ILDR2: variants seen among roughly 807,000 people sequenced by gnomAD.
The protein encoded by ILDR2 is immunoglobulin-like domain-containing receptor 2.
ILDR2 carries 25 observed loss-of-function variants against 66.8 expected under a neutral mutation model. The observed-to-expected ratio is 0.37, with a 90% CI of 0.27 to 0.52. The LOEUF (loss-of-function observed/expected upper bound fraction) is 0.52. ILDR2 is among the 20% of genes least tolerant of loss of function. The pLI is 0.88. For synonymous variants in ILDR2, 367 were observed against 357.2 expected (o/e 1.03, Z -0.31); for missense variants, 827 against 876.8 (o/e 0.94, Z 0.72).
intron 3 of ILDR2, among the ~76,000 whole-genome samples, chr1:166,943,578 G>A (rs1395760297): frequency 2.6e-5 from 4 of 151,526 alleles, no homozygotes; most frequent in African/African-American, 9.7e-5. Context: ...TTTAAAAAGT[G>A]GATTTATGCT....
intron 4 of ILDR2, among the ~76,000 whole-genome samples, chr1:166,938,450 A>G (rs945881744): frequency 6.6e-6 from 1 of 152,208 alleles, no homozygotes; most frequent in Non-Finnish European, 1.5e-5. Context: ...AAGCACTGCA[A>G]TGTAACATTG....
intron 3 of ILDR2, among the ~76,000 whole-genome samples, chr1:166,948,218 G>A (rs1279475383): frequency 6.6e-6 from 1 of 152,102 alleles, no homozygotes; most frequent in Non-Finnish European, 1.5e-5. Flanking sequence ...TTCAATCTAT[G>A]GGAGACCCTT....
intron 6 of ILDR2, among the ~76,000 whole-genome samples, chr1:166,927,432 T>C (rs1001928268): frequency 4.6e-5 from 7 of 152,252 alleles, no homozygotes; most frequent in African/African-American, 1.7e-4. Context: ...TAGTCATTTG[T>C]TAACTTCTGC....
At chr1:166,940,489 C>T (rs1421815391) in intron 3 of ILDR2, among the ~76,000 whole-genome samples, 2 of 152,184 alleles carry the variant, frequency 1.3e-5, no homozygotes, top group African/African-American at 4.8e-5. Flanking sequence ...TCCCTCCTTT[C>T]AGACTTGTGA....
Position 166,914,151 on chromosome 1 carries a change from C to T in ILDR2, c.*5204G>A, listed in dbSNP as rs567227557. On this transcript the variant is annotated 3_prime_UTR_variant, in exon 10 of 10. Transcript: ENST00000271417. ...AAAAAGAAAGAAAAAGAAAACGAAA[C>T]TCTCCTTGAGTGAAGCTACAACTCC... 5.2e-5 allele frequency: 8 copies of T among 152,464 alleles called. No individual in the cohort carries two copies. In the East Asian group the frequency reaches 1.5e-3, roughly 29 times the overall value. 9.4% of individuals were successfully genotyped at this position (152,464 alleles called of 1,614,324 possible). A position where few individuals can be genotyped will look rare whatever the true frequency, so the allele number is the denominator to read the frequency against.
Position 166,912,926 on chromosome 1 carries a change from C to T in ILDR2, c.*6429G>A, listed in dbSNP as rs1484736609. 1 of 152,186 alleles carries T rather than the reference C, an allele frequency of 6.6e-6. No homozygotes were observed. Among genetic ancestry groups the T allele is most frequent in the Non-Finnish European group, 1.5e-5 (1 of 68,044 alleles). The allele number at this position is 152,186 out of a possible 1,614,324, so 9.4% of individuals were successfully genotyped here. A position where few individuals can be genotyped will look rare whatever the true frequency, so the allele number is the denominator to read the frequency against. The stretch of plus-strand genomic sequence containing the variant: ...TAGGTACCATCACCTTATCCAACCA[C>T]CTTTCCTACCCTTCATCTCCTTCTG... On this transcript the variant is annotated 3_prime_UTR_variant, in exon 10 of 10. Coordinates refer to ENST00000271417, the MANE Select transcript of ILDR2 (RefSeq NM_199351.3).
rs1203452550 is a variant in ILDR2 at position 166,920,903 on chromosome 1, G to T, written c.1688C>A (p.Ala563Asp). Residue 563 changes from alanine (A) to aspartate (D), a missense_variant, in exon 9 of 10, where the codon GCC becomes GAC. Ala to Asp is a moderately radical substitution (Grantham distance 126, BLOSUM62 -2). Coordinates refer to ENST00000271417, the MANE Select transcript of ILDR2 (RefSeq NM_199351.3). ...KRSAQLGPRS[A>D]SYYAWSPPGT... ...GGGCGGCGACCAAGCGTAGTAGGAG[G>T]CGCTGCGCGGGCCGAGCTGCGCGCT... 12 of 1,478,358 alleles carry T rather than the reference G, an allele frequency of 8.1e-6. No homozygotes were observed. The highest frequency in any genetic ancestry group is 8.9e-6 in the Non-Finnish European group (10 of 1,120,296). 91.6% of individuals were successfully genotyped at this position (1,478,358 alleles called of 1,614,324 possible).
In ILDR2 at chr1:166,936,558, T is replaced by A. The variant is rs1453247171; in HGVS notation, c.703+33A>T. ...GTAGAGAGGTAGACATTTCTCTCGA[T>A]CGCTCTGTCTCCCCAGCGGTCACTG... On this transcript the variant is annotated intron_variant, in intron 5 of 9. Coordinates refer to ENST00000271417, the MANE Select transcript of ILDR2 (RefSeq NM_199351.3). This position sits in a 1 kb window ranked among gnomAD's most constrained non-coding sequence, Gnocchi z 5.0. 1.9e-6 allele frequency: 3 copies of A among 1,613,844 alleles called. No homozygotes were observed. In the East Asian group the frequency reaches 6.7e-5, roughly 36 times the overall value.
intron 3 of ILDR2, among the ~76,000 whole-genome samples, chr1:166,944,645 G>T (rs1280374479): frequency 2.6e-5 from 4 of 151,968 alleles, no homozygotes; most frequent in African/African-American, 9.7e-5. Context: ...CTTTTTCTTG[G>T]TAGGTTAGCC....
chr1:166,922,932 G>A, intron 7 of ILDR2, 123 bp from the exon 8 acceptor site: 2 of 805,942 alleles, frequency 2.5e-6, no homozygotes, highest in Non-Finnish European at 4.1e-6. Flanking sequence ...GCTGTCCAGG[G>A]TGGGTTGTAA....
At chr1:166,971,393 C>G (rs1663287643) in intron 1 of ILDR2, among the ~76,000 whole-genome samples, 1 of 152,244 alleles carries the variant, frequency 6.6e-6, no homozygotes, top group South Asian at 2.1e-4. Flanking sequence ...CCTCTATGCT[C>G]TCACAGCAGG....
chr1:166,963,716 C>T (rs1662761017), intron 1 of ILDR2, among the ~76,000 whole-genome samples: 1 of 152,214 alleles, frequency 6.6e-6, no homozygotes, highest in Non-Finnish European at 1.5e-5. Context: ...ACATGGCCCC[C>T]AGTATGCTCC....
At chr1:166,931,973 G>C (rs1038081977) in intron 6 of ILDR2, among the ~76,000 whole-genome samples, 2 of 152,354 alleles carry the variant, frequency 1.3e-5, no homozygotes, top group African/African-American at 4.8e-5. Flanking sequence ...AGGAGCAAAA[G>C]AGAGGCTGGA....
At chr1:166,973,614 C>G (rs1167889455) in intron 1 of ILDR2, among the ~76,000 whole-genome samples, 1 of 31,384 alleles carries the variant, frequency 3.2e-5, no homozygotes, top group Non-Finnish European at 5.8e-5. Context: ...GGGACCCCTC[C>G]CCCCCCCCCC....
rs763774387 is a variant in ILDR2, at chr1:166,921,397, G to A, written c.1212-18C>T. 2.6e-6 allele frequency: 4 copies of A among 1,539,072 alleles called. No individual in the cohort carries two copies. Among genetic ancestry groups the A allele is most frequent in the East Asian group, 2.3e-5 (1 of 43,410 alleles). On this transcript the variant is annotated intron_variant, in intron 8 of 9. Transcript: ENST00000271417. This position sits in a 1 kb window ranked among gnomAD's most constrained non-coding sequence, Gnocchi z 5.3. ...GCGGCTGGCTGCGGGCAGAGAAGGA[G>A]GGGGTCAGACGGCCGGTCCCTCCCT...
At position 166,915,307 on chromosome 1, in the gene ILDR2, A is replaced by T. The variant is rs966196188; in HGVS notation, c.*4048T>A. On this transcript the variant is annotated 3_prime_UTR_variant, in exon 10 of 10. Coordinates refer to ENST00000271417, the MANE Select transcript of ILDR2 (RefSeq NM_199351.3). ...GGATTGAGAGGGACCTCACCAGGACATTTGAAGAAAAAATTCTAAGGCCCA... is the reference window on the plus strand; with the variant it reads ...GGATTGAGAGGGACCTCACCAGGACTTTTGAAGAAAAAATTCTAAGGCCCA... 1 of 152,256 alleles carries T rather than the reference A, an allele frequency of 6.6e-6. No individual in the cohort carries two copies. Among genetic ancestry groups the T allele is most frequent in the African/African-American group, 2.4e-5 (1 of 41,444 alleles). 9.4% of individuals were successfully genotyped at this position (152,256 alleles called of 1,614,324 possible).
Position 166,919,294 on chromosome 1 carries a change from TTG to T in ILDR2, c.*59_*60del, listed in dbSNP as rs150392323. The T allele has an allele frequency of 7.2e-4, 1,076 of 1,491,568 alleles. 9 individuals are homozygous for T. The African/African-American group carries it at 0.013, about 18-fold the overall frequency. The allele number at this position is 1,491,568 out of a possible 1,614,324, so 92.4% of individuals were successfully genotyped here. ...GTCCTGGGCCTGCTGGTTCTTAGAT[TTG>T]TGTCTTGTCCCCGTAGTCCATGTCT... On this transcript the variant is annotated 3_prime_UTR_variant, in exon 10 of 10. Transcript: ENST00000271417.
At position 166,956,847 on chromosome 1, in the gene ILDR2, C is replaced by G. The variant is rs1296047063; in HGVS notation, c.385G>C (p.Asp129His). 6.2e-7 allele frequency: 1 copy of G among 1,613,360 alleles called. No individual in the cohort carries two copies. The highest frequency in any genetic ancestry group is 8.5e-7 in the Non-Finnish European group (1 of 1,179,700). ...GREITIVHDA[D>H]LQIGKLMWGD... ...CACATAAGCTTTCCAATTTGAAGAT[C>G]TGCATCTGTTATCACAAAAAGAAGG... Residue 129 changes from aspartate to histidine, a missense_variant, in exon 3 of 10, where the codon GAT becomes CAT. Asp to His is a moderately conservative substitution (Grantham distance 81, BLOSUM62 -1). Coordinates refer to ENST00000271417, the MANE Select transcript of ILDR2 (RefSeq NM_199351.3).
chr1:166,939,097 T>A (rs1216092920), intron 4 of ILDR2, among the ~76,000 whole-genome samples: 1 of 152,190 alleles, frequency 6.6e-6, no homozygotes. Flanking sequence ...AGTTTGATGA[T>A]GTTATAAAAG....
Sources: gnomAD v4.1 joint callset for allele counts (sites outside exome capture counted in the v4.1 genomes callset) on GRCh38, gnomAD v4.1.1 for gene constraint, Gnocchi (gnomAD v3.1) non-coding constraint, MANE v1.5 for transcripts, NCBI Gene and HGNC (gene_info 2026-07-23, HGNC 2026-07-21) for gene names.